Variants in HFM1 observed in about 807,000 individuals in gnomAD.
HFM1 encodes the protein probable ATP-dependent DNA helicase HFM1.
In HFM1, 169 loss-of-function variants were observed where a neutral mutation model predicts 192.1. The observed-to-expected ratio is 0.88, with a 90% CI of 0.78 to 1.00. The LOEUF (loss-of-function observed/expected upper bound fraction) is 1.00, where lower values mean the gene tolerates loss of function less well. Among genes scored for constraint, HFM1 ranks in the 50% least tolerant of loss-of-function variants. The pLI is 0.00. For missense variants in HFM1, 1,661 were observed against 1,668.0 expected (o/e 1.00, Z 0.07); for synonymous variants, 525 against 537.8 (o/e 0.98, Z 0.33).
intron 25 of HFM1, among the ~76,000 whole-genome samples, chr1:91,318,287 T>C (rs1303851855): frequency 6.6e-6 from 1 of 152,180 alleles, no homozygotes; most frequent in Non-Finnish European, 1.5e-5. Flanking sequence ...AATTTCCAGA[T>C]ACAAAAGGTA....
intron 3 of HFM1, 60 bp downstream of exon 3, chr1:91,396,233 A>T (rs975385211): frequency 2.5e-5 from 19 of 774,232 alleles, no homozygotes; most frequent in Non-Finnish European, 3.3e-5. Context: ...AGGGTTTTTT[A>T]AAAAAATATT....
chr1:91,282,303 C>A (rs1459956751), intron 30 of HFM1, among the ~76,000 whole-genome samples: 1 of 151,818 alleles, frequency 6.6e-6, no homozygotes, highest in African/African-American at 2.4e-5. Flanking sequence ...ATAATTTTTG[C>A]TTCTCTGTGC....
intron 36 of HFM1, among the ~76,000 whole-genome samples, chr1:91,264,533 C>T (rs553603440): frequency 3.8e-4 from 56 of 149,030 alleles, no homozygotes; most frequent in African/African-American, 9.4e-4. Flanking sequence ...CCATCACGCC[C>T]GGCTAATTTT....
intron 5 of HFM1, among the ~76,000 whole-genome samples, 157 bp from the exon 6 acceptor site, chr1:91,385,391 C>T (rs2102049362): frequency 6.6e-6 from 1 of 152,130 alleles, no homozygotes; most frequent in East Asian, 1.9e-4. Flanking sequence ...ATATTTTTAG[C>T]ACACAGGATA....
chr1:91,296,482 G>T (rs1287421453), intron 30 of HFM1, among the ~76,000 whole-genome samples: 1 of 151,708 alleles, frequency 6.6e-6, no homozygotes, highest in Non-Finnish European at 1.5e-5. Context: ...CTTCAAGTTT[G>T]CCCTGACTAC....
chr1:91,322,214 C>T (rs927006267), intron 23 of HFM1, among the ~76,000 whole-genome samples: 5 of 152,036 alleles, frequency 3.3e-5, no homozygotes, highest in South Asian at 2.1e-4. Context: ...GTCTTATAGA[C>T]GTAAAGGTAT....
At chr1:91,360,877 CAAGATT>C (rs1419827861) in intron 13 of HFM1, among the ~76,000 whole-genome samples, 3 of 152,244 alleles carry the variant, frequency 2.0e-5, no homozygotes, top group South Asian at 2.1e-4. Context: ...AATTAGAACT[CAAGATT>C]AAGAAATACA....
rs781658051 is a variant in HFM1, at chr1:91,316,164, G to A, written c.2919C>T (p.Pro973=). Residue 973 remains proline, a synonymous_variant, in exon 27 of 39, where the codon CCC becomes CCT. Transcript: ENST00000370425. Reference sequence around the variant, plus strand: ...CAGTTTCTTTTATCTGGGTTCCAAAGGGGGGATGTCTGTTTAAAATCTAAA... The same window carrying A: ...CAGTTTCTTTTATCTGGGTTCCAAAAGGGGGATGTCTGTTTAAAATCTAAA... ...ELELILNRHP[P]FGTQIKETVM... 3.8e-6 allele frequency: 6 copies of A among 1,584,128 alleles called. No individual in the cohort carries two copies. The African/African-American group carries it at 8.1e-5, about 21-fold the overall frequency.
intron 30 of HFM1, among the ~76,000 whole-genome samples, chr1:91,286,024 C>G (rs1042635811): frequency 1.3e-5 from 2 of 152,156 alleles, no homozygotes; most frequent in African/African-American, 2.4e-5. Context: ...AGTAGCAATG[C>G]TGGCAATTTG....
rs142157176 is a variant in HFM1 at position 91,268,043 on chromosome 1, G to C, written c.3773-188C>G. ...TACTTTTTAAACCACAAGCATCGTAGTCTATTGATATATCAAACACATCTT... is the reference window on the plus strand; with the variant it reads ...TACTTTTTAAACCACAAGCATCGTACTCTATTGATATATCAAACACATCTT... On this transcript the variant is annotated intron_variant, in intron 34 of 38. Transcript: ENST00000370425. 2.2e-3 allele frequency among the ~76,000 whole-genome samples: 335 copies of C among 152,134 alleles called. 2 individuals are homozygous for C. The highest frequency in any genetic ancestry group is 3.7e-3 in the Non-Finnish European group (251 of 67,902).
intron 6 of HFM1, among the ~76,000 whole-genome samples, chr1:91,384,960 G>A (rs1266473410): frequency 6.6e-6 from 1 of 151,888 alleles, no homozygotes; most frequent in Non-Finnish European, 1.5e-5. Flanking sequence ...AGTCAGGCTG[G>A]TCTCGAACTC....
At position 91,379,192 on chromosome 1, in the gene HFM1, G is replaced by A. The variant is rs757972635; in HGVS notation, c.1029C>T (p.Cys343=). The A allele has an allele frequency of 1.2e-6, 2 of 1,605,906 alleles. No homozygotes were observed. The highest frequency in any genetic ancestry group is 1.7e-6 in the Non-Finnish European group (2 of 1,176,968). ...IVYMAPIKAL[C]SQRFDDWKEK... is the part of the protein sequence containing the mutation. ...CTTTCCAGTCATCAAAACGCTGACT[G>A]CACAAGGCTTTTATTGGTGCCACTG... is the stretch of plus-strand genomic sequence containing the variant. Residue 343 remains cysteine, a synonymous_variant, in exon 9 of 39, where the codon TGC becomes TGT. Coordinates refer to ENST00000370425, the MANE Select transcript of HFM1 (RefSeq NM_001017975.6).
At position 91,323,973 on chromosome 1, in the gene HFM1, A is replaced by T. The variant is rs530238228; in HGVS notation, c.2427+702T>A. On this transcript the variant is annotated intron_variant, in intron 21 of 38. Transcript: ENST00000370425. ...ATCAAATTAGATATTTTAAATAAAA[A>T]TGAACGGCTTAAATTTGAGAGTAAA... Among the ~76,000 whole-genome samples the T allele has an allele frequency of 1.9e-4, 29 of 152,374 alleles. 1 individual carries two copies. In the South Asian group the frequency reaches 6.0e-3, roughly 32 times the overall value.
chr1:91,267,749 T>C lies in HFM1; in HGVS notation c.3879A>G (p.Ile1293Met). ...SFSTDTEKTK[I>M]SGFGNTLSSS... ...GCATGCTAAGTATGATTTTACCTGA[T>C]ATTTTTGTCTTCTCAGTATCAGTTG... The change falls in exon 35 of 39, where the codon ATA becomes ATG. Residue 1293 changes from isoleucine to methionine, a missense_variant. Physicochemically the swap from Ile to Met is conservative, Grantham distance 10. Coordinates refer to ENST00000370425, the MANE Select transcript of HFM1 (RefSeq NM_001017975.6). The C allele has an allele frequency of 1.5e-6, 2 of 1,357,504 alleles. No homozygotes were observed. Among genetic ancestry groups the C allele is most frequent in the Admixed American group, 4.8e-5 (2 of 41,624 alleles). The allele number at this position is 1,357,504 out of a possible 1,614,324, so 84.1% of individuals were successfully genotyped here.
chr1:91,337,474 A>C (rs550478827), intron 20 of HFM1, among the ~76,000 whole-genome samples: 5 of 152,376 alleles, frequency 3.3e-5, no homozygotes, highest in African/African-American at 1.2e-4. Context: ...ATAAGAAGTC[A>C]TAAAAATGAA....
intron 33 of HFM1, among the ~76,000 whole-genome samples, chr1:91,274,235 A>G (rs556787701): frequency 9.9e-5 from 15 of 152,020 alleles, no homozygotes; most frequent in African/African-American, 3.1e-4. Context: ...TAGGAATATG[A>G]ACTTCAGTTT....
intron 13 of HFM1, among the ~76,000 whole-genome samples, chr1:91,367,072 C>T (rs915104458): frequency 1.3e-5 from 2 of 152,182 alleles, no homozygotes; most frequent in African/African-American, 2.4e-5. Flanking sequence ...GGGCACCCGC[C>T]ATTGCCGAGG....
intron 13 of HFM1, among the ~76,000 whole-genome samples, chr1:91,367,209 G>A (rs913809464): frequency 1.3e-5 from 2 of 152,218 alleles, no homozygotes; most frequent in Non-Finnish European, 2.9e-5. Flanking sequence ...AAAGGCAGCA[G>A]AAACCTCTGC....
chr1:91,311,396 C>A (rs954772950), intron 30 of HFM1, among the ~76,000 whole-genome samples: 11 of 152,054 alleles, frequency 7.2e-5, no homozygotes, highest in African/African-American at 2.7e-4. Flanking sequence ...GAGGCCGAGG[C>A]AGGTGGATCA....
Sources: allele counts gnomAD v4.1 joint callset (sites outside exome capture counted in the v4.1 genomes callset), GRCh38; gene constraint gnomAD v4.1.1; transcripts MANE v1.5; gene names NCBI Gene and HGNC (gene_info 2026-07-23, HGNC 2026-07-21).